The following FSIP1 variants were observed in gnomAD, a reference collection of about 807,000 sequenced individuals.
The protein encoded by FSIP1 is fibrous sheath interacting protein 1.
In FSIP1, 65 loss-of-function variants were observed where a neutral mutation model predicts 60.9. That is an observed-to-expected ratio of 1.07 (90% CI 0.87 to 1.31). FSIP1 has a LOEUF of 1.31. Ranked by LOEUF, FSIP1 falls within the 40% of genes most tolerant of loss-of-function variation. The pLI, the probability that FSIP1 is intolerant of heterozygous loss-of-function variation, is 0.00. For missense variants in FSIP1, 675 were observed against 665.5 expected, an observed-to-expected ratio of 1.01 and a Z score of -0.16; for synonymous variants, 209 against 221.2, an observed-to-expected ratio of 0.94 and a Z score of 0.49.
intron 11 of FSIP1, among the ~76,000 whole-genome samples, chr15:39,603,338 A>T (rs1177759276): frequency 6.6e-6 from 1 of 152,168 alleles, no homozygotes; most frequent in African/African-American, 2.4e-5. Context: ...TGCTGCCAGA[A>T]CCCACCCCTA....
chr15:39,676,129 C>T (rs1429155197), intron 10 of FSIP1, among the ~76,000 whole-genome samples: 3 of 148,172 alleles, frequency 2.0e-5, no homozygotes, highest in East Asian at 2.0e-4. Context: ...GCCAAAATCG[C>T]GCCACTGCAC....
chr15:39,773,063 A>G (rs1305011721), intron 2 of FSIP1, among the ~76,000 whole-genome samples: 2 of 152,204 alleles, frequency 1.3e-5, no homozygotes, highest in East Asian at 3.8e-4. Context: ...TTAATAAGCA[A>G]CAACAAGCCA....
chr15:39,754,806 G>A lies in FSIP1; in HGVS notation c.559+9015C>T, dbSNP rs150939725. Among the ~76,000 whole-genome samples the A allele has an allele frequency of 8.8e-3, 1,344 of 152,218 alleles. 20 individuals carry two copies. The highest frequency in any genetic ancestry group is 0.03 in the African/African-American group (1,258 of 41,542). ...ACAAATCCAGTAAAAATTGCACTAT[G>A]CTATGAGAGGTCACTGTGTCAGATT... On this transcript the variant is annotated intron_variant, in intron 5 of 11. Coordinates refer to ENST00000350221, the MANE Select transcript of FSIP1 (RefSeq NM_152597.5).
At chr15:39,656,040 G>A (rs1893057347) in intron 10 of FSIP1, among the ~76,000 whole-genome samples, 1 of 152,142 alleles carries the variant, frequency 6.6e-6, no homozygotes, top group Non-Finnish European at 1.5e-5. Flanking sequence ...ATTTCAAAGG[G>A]CTCTGAATGC....
chr15:39,670,610 G>A (rs1276200219), intron 10 of FSIP1, among the ~76,000 whole-genome samples: 1 of 152,168 alleles, frequency 6.6e-6, no homozygotes, highest in Non-Finnish European at 1.5e-5. Flanking sequence ...CTGAAGAAAG[G>A]TCAGCCTGGA....
intron 5 of FSIP1, among the ~76,000 whole-genome samples, chr15:39,752,379 G>C (rs1420582275): frequency 1.3e-5 from 2 of 151,944 alleles, no homozygotes; most frequent in African/African-American, 4.8e-5. Context: ...CCAAAGAGTA[G>C]AGTGTGGCAA....
intron 10 of FSIP1, among the ~76,000 whole-genome samples, chr15:39,693,571 T>C (rs530664779): frequency 6.6e-6 from 1 of 152,342 alleles, no homozygotes. Flanking sequence ...TAGCAATCTA[T>C]TTAAGGTGGA....
chr15:39,734,907 A>G (rs962687609), intron 8 of FSIP1, among the ~76,000 whole-genome samples: 2 of 152,210 alleles, frequency 1.3e-5, no homozygotes, highest in African/African-American at 2.4e-5. Flanking sequence ...ATCAAAAACT[A>G]AAATGATAGA....
chr15:39,751,497 C>T (rs1897161855), intron 5 of FSIP1, among the ~76,000 whole-genome samples: 1 of 150,846 alleles, frequency 6.6e-6, no homozygotes, highest in Admixed American at 6.6e-5. Context: ...CTGCCTTTTG[C>T]CACAACATGG....
intron 11 of FSIP1, among the ~76,000 whole-genome samples, chr15:39,613,431 A>T (rs1380159586): frequency 2.6e-5 from 4 of 152,182 alleles, no homozygotes; most frequent in Admixed American, 2.0e-4. Flanking sequence ...TGAACAGACC[A>T]CTAATGAGCA....
intron 10 of FSIP1, among the ~76,000 whole-genome samples, chr15:39,703,527 AAT>A (rs1484037371): frequency 1.3e-5 from 2 of 152,242 alleles, no homozygotes; most frequent in Non-Finnish European, 2.9e-5. Context: ...TATATTTATA[AAT>A]TGATTATAAA....
chr15:39,738,368 T>G (rs1298003990), intron 7 of FSIP1, among the ~76,000 whole-genome samples, 167 bp from the exon 8 acceptor site: 1 of 150,246 alleles, frequency 6.7e-6, no homozygotes, highest in East Asian at 1.9e-4. Flanking sequence ...AATTTTTATA[T>G]AGGGCCATTC....
intron 4 of FSIP1, among the ~76,000 whole-genome samples, chr15:39,765,194 A>G (rs1897638278): frequency 6.6e-6 from 1 of 151,956 alleles, no homozygotes; most frequent in South Asian, 2.1e-4. Context: ...AGGCCACAGT[A>G]ACACCATGGT....
At chr15:39,668,492 A>G (rs1441483273) in intron 10 of FSIP1, among the ~76,000 whole-genome samples, 1 of 152,250 alleles carries the variant, frequency 6.6e-6, no homozygotes, top group African/African-American at 2.4e-5. Context: ...GTCTCTAACC[A>G]GCATTTTGCA....
At chr15:39,745,995 C>T (rs1310344545) in intron 5 of FSIP1, among the ~76,000 whole-genome samples, 3 of 152,074 alleles carry the variant, frequency 2.0e-5, no homozygotes, top group Non-Finnish European at 4.4e-5. Flanking sequence ...GGGAGGATCC[C>T]TTGAGCCCAG....
intron 11 of FSIP1, among the ~76,000 whole-genome samples, chr15:39,605,824 G>A (rs1413282799): frequency 6.6e-6 from 1 of 152,224 alleles, no homozygotes. Flanking sequence ...TTATTTGAAT[G>A]TTCTCATTTG....
intron 7 of FSIP1, among the ~76,000 whole-genome samples, chr15:39,739,325 A>G (rs1332167859): frequency 6.6e-6 from 1 of 152,242 alleles, no homozygotes; most frequent in Non-Finnish European, 1.5e-5. Flanking sequence ...AAACAATTTT[A>G]CTAATATGCA....
At chr15:39,749,801 G>A (rs1897112475) in intron 5 of FSIP1, among the ~76,000 whole-genome samples, 1 of 151,798 alleles carries the variant, frequency 6.6e-6, no homozygotes, top group South Asian at 2.1e-4. Flanking sequence ...GTACTGGAAG[G>A]ACCAGCAAGA....
rs559685411 is a variant in FSIP1, at chr15:39,641,285, T to G, written c.1189-23040A>C. Among the ~76,000 whole-genome samples the G allele has an allele frequency of 2.0e-5, 3 of 152,320 alleles. No individual in the cohort carries two copies. The South Asian group carries it at 6.2e-4, about 32-fold the overall frequency. ...AGAGAGGAAAGCAAAAATTGTTCTC[T>G]ACATCTGAGCTGTGGTGTCAGCATA... is the stretch of plus-strand genomic sequence containing the variant. On this transcript the variant is annotated intron_variant, in intron 10 of 11. Coordinates refer to ENST00000350221, the MANE Select transcript of FSIP1 (RefSeq NM_152597.5).
Sources: allele counts gnomAD v4.1 joint callset (sites outside exome capture counted in the v4.1 genomes callset), GRCh38; gene constraint gnomAD v4.1.1; transcripts MANE v1.5; gene names NCBI Gene and HGNC (gene_info 2026-07-23, HGNC 2026-07-21).